The following EPHA6 variants were observed in gnomAD, a reference collection of about 807,000 sequenced individuals.
The protein encoded by EPHA6 is EPH receptor A6.
Under a neutral mutation model 112.0 loss-of-function variants are expected in EPHA6, and 50 were observed. The ratio of observed to expected loss-of-function variants is 0.45; its 90% confidence interval spans 0.36 to 0.56. EPHA6 has a LOEUF of 0.56. Ranked by LOEUF, EPHA6 falls within the 20% of genes least tolerant of loss-of-function variation. The probability of loss-of-function intolerance (pLI) is 0.00; values close to 1 mark genes in which losing one functional copy is unlikely to be tolerated. For synonymous variants in EPHA6, 529 were observed against 490.7 expected (o/e 1.08, Z -1.03); for missense variants, 1,280 against 1,417.4 (o/e 0.90, Z 1.56).
intron 3 of EPHA6, among the ~76,000 whole-genome samples, chr3:97,058,827 TTTATC>T (rs1377955881): frequency 6.6e-6 from 1 of 152,220 alleles, no homozygotes; most frequent in African/African-American, 2.4e-5. Flanking sequence ...TTCTTAGTGA[TTTATC>T]TTATGTCAGT....
intron 1 of EPHA6, among the ~76,000 whole-genome samples, chr3:96,859,359 A>G (rs2035879228): frequency 6.6e-6 from 1 of 151,438 alleles, no homozygotes; most frequent in Non-Finnish European, 1.5e-5. Context: ...AGATTACTAA[A>G]GTGTTTACCT....
chr3:97,495,434 A>C (rs1287506413), intron 10 of EPHA6, among the ~76,000 whole-genome samples: 2 of 151,788 alleles, frequency 1.3e-5, no homozygotes, highest in African/African-American at 2.4e-5. Context: ...TATTCTTTAC[A>C]TGTCTATACA....
At chr3:97,020,300 T>C (rs1296210634) in intron 3 of EPHA6, among the ~76,000 whole-genome samples, 3 of 152,172 alleles carry the variant, frequency 2.0e-5, no homozygotes, top group African/African-American at 4.8e-5. Flanking sequence ...AATATAGATA[T>C]ATGCGGATTC....
chr3:97,344,033 C>G (rs919237529), intron 5 of EPHA6, among the ~76,000 whole-genome samples: 1 of 152,120 alleles, frequency 6.6e-6, no homozygotes, highest in African/African-American at 2.4e-5. Context: ...TGTCCTATGC[C>G]TCTCCCATCA....
chr3:97,144,295 A>G (rs1266018120), intron 3 of EPHA6, among the ~76,000 whole-genome samples: 2 of 151,676 alleles, frequency 1.3e-5, no homozygotes, highest in Admixed American at 6.6e-5. Context: ...GTTTATCTCT[A>G]TATTTTCTGT....
At position 97,020,911 on chromosome 3, in the gene EPHA6, A is replaced by ATT. The variant is rs147698536; in HGVS notation, c.1114+32927_1114+32928dup. Among the ~76,000 whole-genome samples the ATT allele has an allele frequency of 5.3e-5, 8 of 151,122 alleles. No homozygotes were observed. The East Asian group carries it at 7.8e-4, about 15-fold the overall frequency. On this transcript the variant is annotated intron_variant, in intron 3 of 17. Coordinates refer to ENST00000389672, the MANE Select transcript of EPHA6 (RefSeq NM_001080448.3). ...TGCTCAAAGTCATCACCAAGGTTTG[A>ATT]TTTTTTTTTTAAAAAGTCAACCTCT... is the stretch of plus-strand genomic sequence containing the variant.
At chr3:97,426,789 C>T (rs1489681878) in intron 6 of EPHA6, among the ~76,000 whole-genome samples, 1 of 152,128 alleles carries the variant, frequency 6.6e-6, no homozygotes, top group African/African-American at 2.4e-5. Context: ...TATTTGCAAA[C>T]TGTGCATCCA....
intron 5 of EPHA6, among the ~76,000 whole-genome samples, chr3:97,345,204 A>G (rs2083477975): frequency 6.6e-6 from 1 of 152,348 alleles, no homozygotes; most frequent in South Asian, 2.1e-4. Context: ...TAATTTGCAT[A>G]AATTCTGACA....
intron 6 of EPHA6, among the ~76,000 whole-genome samples, chr3:97,442,116 C>A (rs1002521493): frequency 7.2e-5 from 11 of 152,086 alleles, no homozygotes; most frequent in African/African-American, 2.7e-4. Context: ...AAATGGATGA[C>A]TTTTTATGAC....
intron 2 of EPHA6, among the ~76,000 whole-genome samples, chr3:96,915,359 G>C (rs1043819170): frequency 6.6e-6 from 1 of 151,994 alleles, no homozygotes; most frequent in Non-Finnish European, 1.5e-5. Context: ...TATACCTAAA[G>C]TAAACCATTG....
chr3:97,489,454 G>C (rs2091780641), intron 10 of EPHA6, among the ~76,000 whole-genome samples: 1 of 152,312 alleles, frequency 6.6e-6, no homozygotes, highest in Admixed American at 6.5e-5. Context: ...GGGAGGCCCA[G>C]GCGGGTGGAT....
At chr3:97,423,585 T>C (rs986207053) in intron 6 of EPHA6, among the ~76,000 whole-genome samples, 1 of 152,096 alleles carries the variant, frequency 6.6e-6, no homozygotes, top group South Asian at 2.1e-4. Flanking sequence ...CCCAAAGCAA[T>C]CTACATATTC....
chr3:97,270,927 T>C (rs1484113774), intron 5 of EPHA6, among the ~76,000 whole-genome samples: 1 of 152,180 alleles, frequency 6.6e-6, no homozygotes, highest in Non-Finnish European at 1.5e-5. Context: ...GTCTGTGGCT[T>C]ATGGTTTCAG....
chr3:97,579,374 G>A (rs2093416883), intron 11 of EPHA6, among the ~76,000 whole-genome samples: 1 of 152,158 alleles, frequency 6.6e-6, no homozygotes, highest in Admixed American at 6.5e-5. Flanking sequence ...AAATCTATAT[G>A]ACTTTGAGTA....
At chr3:97,485,515 C>T (rs1171186150) in intron 10 of EPHA6, among the ~76,000 whole-genome samples, 1 of 152,128 alleles carries the variant, frequency 6.6e-6, no homozygotes, top group East Asian at 1.9e-4. Flanking sequence ...TCCCTAGGTA[C>T]CATAGATCAC....
At chr3:97,213,298 A>G (rs1398599673) in intron 3 of EPHA6, among the ~76,000 whole-genome samples, 1 of 152,194 alleles carries the variant, frequency 6.6e-6, no homozygotes, top group Non-Finnish European at 1.5e-5. Context: ...AAAAAGAAAC[A>G]TAATGGAGGT....
At chr3:97,310,518 T>A (rs1400795832) in intron 5 of EPHA6, among the ~76,000 whole-genome samples, 2 of 151,132 alleles carry the variant, frequency 1.3e-5, no homozygotes, top group African/African-American at 4.9e-5. Context: ...TCTTCATTAT[T>A]GCCCTCAAAA....
intron 1 of EPHA6, among the ~76,000 whole-genome samples, chr3:96,863,344 C>CTGTGTTCAACG (rs1409194281): frequency 6.6e-6 from 1 of 151,848 alleles, no homozygotes; most frequent in Admixed American, 6.6e-5. Flanking sequence ...TCTCACCTTG[C>CTGTGTTCAACG]TGTGTTCAAC....
chr3:96,831,200 A>G (rs1488094887), intron 1 of EPHA6, among the ~76,000 whole-genome samples: 1 of 152,010 alleles, frequency 6.6e-6, no homozygotes, highest in Non-Finnish European at 1.5e-5. Flanking sequence ...ACCATTTACT[A>G]TGTGATTTTG....
Sources: allele counts gnomAD v4.1 joint callset (sites outside exome capture counted in the v4.1 genomes callset), GRCh38; gene constraint gnomAD v4.1.1; transcripts MANE v1.5; gene names NCBI Gene and HGNC (gene_info 2026-07-23, HGNC 2026-07-21).